CBLC: variants seen among roughly 807,000 people sequenced by gnomAD.
The protein encoded by CBLC is E3 ubiquitin-protein ligase CBL-C.
In CBLC, 46 loss-of-function variants were observed where a neutral mutation model predicts 58.6. That is an observed-to-expected ratio of 0.79 (90% confidence interval 0.62 to 1.00). The LOEUF (loss-of-function observed/expected upper bound fraction) is 1.00, where lower values mean the gene tolerates loss of function less well. Ranked by LOEUF, CBLC falls within the 50% of genes least tolerant of loss-of-function variation. The pLI is 0.00. For synonymous variants in CBLC, 271 were observed against 264.2 expected, an observed-to-expected ratio of 1.03 and a Z score of -0.25; for missense variants, 655 against 625.8, an observed-to-expected ratio of 1.05 and a Z score of -0.50.
chr19:44,799,601 G>A (rs1968245029), intron 9 of CBLC, among the ~76,000 whole-genome samples: 1 of 152,010 alleles, frequency 6.6e-6, no homozygotes, highest in Non-Finnish European at 1.5e-5. Context: ...CAAAGTGCTG[G>A]GATTACGGGT....
chr19:44,794,058 T>C, intron 8 of CBLC, 146 bp from the exon 9 acceptor site: 1 of 1,395,524 alleles, frequency 7.2e-7, no homozygotes, highest in African/African-American at 1.5e-5. Context: ...GCTGTAACCC[T>C]CCTAAGTGTT....
At chr19:44,778,805 C>T (rs1377578669) in intron 1 of CBLC, among the ~76,000 whole-genome samples, 1 of 129,588 alleles carries the variant, frequency 7.7e-6, no homozygotes, top group Non-Finnish European at 1.7e-5. Flanking sequence ...ACCCAGGGGT[C>T]CAGGCCCCAG....
At chr19:44,778,384 C>A in intron 1 of CBLC, 100 bp downstream of exon 1, 2 of 1,208,948 alleles carry the variant, frequency 1.7e-6, no homozygotes, top group Non-Finnish European at 2.1e-6. Flanking sequence ...CCCACCCCCT[C>A]CTCCCTCAGA....
chr19:44,789,694 G>A (rs1157837844), intron 5 of CBLC, among the ~76,000 whole-genome samples: 1 of 152,128 alleles, frequency 6.6e-6, no homozygotes, highest in Admixed American at 6.6e-5. Context: ...CCTGCCCTAA[G>A]CCAGAAATTT....
At chr19:44,784,968 T>TTTG in intron 5 of CBLC, among the ~76,000 whole-genome samples, 1 of 114,040 alleles carries the variant, frequency 8.8e-6, no homozygotes, top group South Asian at 3.7e-4. Flanking sequence ...TTTTTTTTTT[T>TTTG]TTTTTTTTTT....
At chr19:44,778,387 C>T in intron 1 of CBLC, 103 bp downstream of exon 1, 1 of 1,183,218 alleles carries the variant, frequency 8.5e-7, no homozygotes, top group African/African-American at 1.7e-5. Context: ...ACCCCCTCCT[C>T]CCTCAGACCC....
chr19:44,794,951 T>C (rs895233645), intron 9 of CBLC, among the ~76,000 whole-genome samples: 16 of 146,782 alleles, frequency 1.1e-4, no homozygotes, highest in Non-Finnish European at 1.5e-4. Context: ...ATGCCTGCAA[T>C]CCCAGTACTT....
intron 3 of CBLC, 70 bp from the exon 4 acceptor site, chr19:44,782,300 C>T: frequency 6.3e-7 from 1 of 1,598,096 alleles, no homozygotes; most frequent in East Asian, 2.2e-5. Flanking sequence ...ATCCTCGAGC[C>T]CTAGGGACTA....
chr19:44,784,675 C>T (rs1967841495), intron 5 of CBLC, among the ~76,000 whole-genome samples: 1 of 151,080 alleles, frequency 6.6e-6, no homozygotes, highest in Non-Finnish European at 1.5e-5. Flanking sequence ...GCAAGGGCTC[C>T]ATTCCTTGGA....
At chr19:44,794,073 C>G in intron 8 of CBLC, 131 bp from the exon 9 acceptor site, 2 of 1,447,266 alleles carry the variant, frequency 1.4e-6, no homozygotes, top group Admixed American at 2.5e-5. Flanking sequence ...AGTGTTCATA[C>G]GTTGTCTTGG....
chr19:44,786,437 C>A lies in CBLC; in HGVS notation c.917+2036C>A, dbSNP rs575659928. On this transcript the variant is annotated intron_variant, in intron 5 of 10. Coordinates refer to ENST00000647358, the MANE Select transcript of CBLC (RefSeq NM_012116.4). ...AAACCCCGTCTCTACTAAAAACACA[C>A]AAAAAAAATTAGCCGGGCGTGGTGG... Among the ~76,000 whole-genome samples the A allele has an allele frequency of 3.3e-5, 5 of 149,434 alleles. No homozygotes were observed. In the East Asian group the frequency reaches 6.1e-4, roughly 18 times the overall value.
intron 6 of CBLC, 111 bp from the exon 7 acceptor site, chr19:44,792,272 C>T (rs1333216756): frequency 5.8e-6 from 7 of 1,200,610 alleles, no homozygotes; most frequent in South Asian, 3.9e-5. Flanking sequence ...GGATTACAGG[C>T]GTGAGCCACC....
At chr19:44,797,070 G>A (rs940992724) in intron 9 of CBLC, among the ~76,000 whole-genome samples, 24 of 152,254 alleles carry the variant, frequency 1.6e-4, no homozygotes, top group Admixed American at 3.9e-4. Context: ...CCTCGGGCCT[G>A]ATGGTGACAC....
At chr19:44,798,543 G>A (rs566974997) in intron 9 of CBLC, among the ~76,000 whole-genome samples, 26 of 152,108 alleles carry the variant, frequency 1.7e-4, no homozygotes, top group African/African-American at 5.5e-4. Context: ...GTGAAACCCC[G>A]TCTCTACTAA....
At chr19:44,793,894 G>A (rs1454210224) in intron 8 of CBLC, among the ~76,000 whole-genome samples, 2 of 150,442 alleles carry the variant, frequency 1.3e-5, no homozygotes, top group African/African-American at 4.9e-5. Flanking sequence ...TGAGGGAGGA[G>A]AATATGGGGG....
At chr19:44,797,787 C>G (rs917491175) in intron 9 of CBLC, among the ~76,000 whole-genome samples, 14 of 151,900 alleles carry the variant, frequency 9.2e-5, no homozygotes, top group African/African-American at 3.1e-4. Context: ...GTCAGCCAGG[C>G]TGGAGTGCAG....
rs769820375 is a variant in CBLC at position 44,777,892 on chromosome 19, C to A, written c.-40C>A. ...TCACTCTGGGCGAGGCCGCCCCTATCCCAGCCGCACCGGTCCTTCCCGGCA... is the reference window on the plus strand; with the variant it reads ...TCACTCTGGGCGAGGCCGCCCCTATACCAGCCGCACCGGTCCTTCCCGGCA... On this transcript the variant is annotated 5_prime_UTR_variant, in exon 1 of 11. Transcript: ENST00000647358. The A allele has an allele frequency of 6.8e-7, 1 of 1,478,206 alleles. No homozygotes were observed. The highest frequency in any genetic ancestry group is 8.9e-7 in the Non-Finnish European group (1 of 1,122,402). The allele number at this position is 1,478,206 out of a possible 1,614,324, so 91.6% of individuals were successfully genotyped here.
chr19:44,778,116 G>C lies in CBLC; in HGVS notation c.185G>C (p.Arg62Pro), dbSNP rs1967617790. Residue 62 changes from arginine to proline, a missense_variant, in exon 1 of 11, where the codon CGG becomes CCG. Coordinates refer to ENST00000647358, the MANE Select transcript of CBLC (RefSeq NM_012116.4). Reference sequence around the variant, plus strand: ...CTGCTTCGAGAGGTGGCCCATTCTCGGCGGGCGGCCGGCGGAGGCGGCCCC... The same window carrying C: ...CTGCTTCGAGAGGTGGCCCATTCTCCGCGGGCGGCCGGCGGAGGCGGCCCC... Reference protein sequence around the residue: ...AQLLREVAHSRRAAGGGGPGG... With the variant: ...AQLLREVAHSPRAAGGGGPGG... 5.6e-6 allele frequency: 9 copies of C among 1,600,814 alleles called. No individual in the cohort carries two copies. Among genetic ancestry groups the C allele is most frequent in the Non-Finnish European group, 6.8e-6 (8 of 1,176,728 alleles).
chr19:44,788,295 A>AT (rs770311374), intron 5 of CBLC, among the ~76,000 whole-genome samples: 97 of 141,714 alleles, frequency 6.8e-4, no homozygotes, highest in Middle Eastern at 3.7e-3. Context: ...AATTTTTTTA[A>AT]TTTTTTTTTT....
Sources: gnomAD v4.1 joint callset for allele counts (sites outside exome capture counted in the v4.1 genomes callset) on GRCh38, gnomAD v4.1.1 for gene constraint, MANE v1.5 for transcripts, NCBI Gene and HGNC (gene_info 2026-07-23, HGNC 2026-07-21) for gene names.